Variants in MEOX2 observed in about 807,000 individuals in gnomAD.
The protein encoded by MEOX2 is homeobox protein MOX-2.
In MEOX2, 11 loss-of-function variants were observed where a neutral mutation model predicts 27.0. The observed-to-expected ratio is 0.41, with a 90% CI of 0.26 to 0.68. The LOEUF (loss-of-function observed/expected upper bound fraction) is 0.68. MEOX2 is among the 30% of genes least tolerant of loss of function. The pLI, the probability that MEOX2 is intolerant of heterozygous loss-of-function variation, is 0.33. For synonymous variants in MEOX2, 189 were observed against 155.4 expected (o/e 1.22, Z -1.61); for missense variants, 436 against 385.4 (o/e 1.13, Z -1.10).
Position 15,626,705 on chromosome 7 carries a change from G to T in MEOX2, c.690+41C>A, listed in dbSNP as rs144093914. 661 of 1,456,634 alleles carry T rather than the reference G, an allele frequency of 4.5e-4. 1 individual carries two copies. In the African/African-American group the frequency reaches 7.7e-3, roughly 17 times the overall value. The allele number at this position is 1,456,634 out of a possible 1,614,324, so 90.2% of individuals were successfully genotyped here. A position where few individuals can be genotyped will look rare whatever the true frequency, so the allele number is the denominator to read the frequency against. On this transcript the variant is annotated intron_variant, in intron 2 of 2. Coordinates refer to ENST00000262041, the MANE Select transcript of MEOX2 (RefSeq NM_005924.5). ...TGGCAAAGAAGACTGTGGACCCAGG[G>T]CAATTAAAAAAGATCATATAATGAT... is the stretch of plus-strand genomic sequence containing the variant.
chr7:15,675,325 G>C (rs1782175413), intron 1 of MEOX2, among the ~76,000 whole-genome samples: 1 of 152,130 alleles, frequency 6.6e-6, no homozygotes, highest in Non-Finnish European at 1.5e-5. Flanking sequence ...ATAAAACAAA[G>C]CTGAAAAATG....
intron 1 of MEOX2, among the ~76,000 whole-genome samples, chr7:15,654,738 C>G (rs912829486): frequency 2.0e-5 from 3 of 151,690 alleles, no homozygotes; most frequent in Non-Finnish European, 3.0e-5. Flanking sequence ...CTACAGTAAA[C>G]ACTACTTGAT....
chr7:15,626,318 T>C (rs1583746592), intron 2 of MEOX2, among the ~76,000 whole-genome samples: 1 of 152,018 alleles, frequency 6.6e-6, no homozygotes, highest in South Asian at 2.1e-4. Context: ...TGTTATGCCA[T>C]TGAGATTTGA....
At chr7:15,674,554 T>TTG (rs141430037) in intron 1 of MEOX2, among the ~76,000 whole-genome samples, 46,706 of 149,656 alleles carry the variant, frequency 0.31, 7,897 homozygotes, top group Admixed American at 0.42. Context: ...AGATAAAAGA[T>TTG]TCTGTGTGTG....
intron 1 of MEOX2, among the ~76,000 whole-genome samples, chr7:15,644,985 A>G (rs1018314830): frequency 2.3e-4 from 35 of 152,168 alleles, no homozygotes; most frequent in African/African-American, 7.5e-4. Flanking sequence ...CTAGTTCACA[A>G]ACTGAATCCT....
At chr7:15,678,943 G>A (rs1782249634) in intron 1 of MEOX2, 2 of 152,022 alleles carry the variant, frequency 1.3e-5, no homozygotes, top group Admixed American at 1.3e-4. Context: ...AGTGTGTGAA[G>A]AATAATGAGC....
intron 1 of MEOX2, among the ~76,000 whole-genome samples, chr7:15,666,034 T>C (rs893479817): frequency 6.6e-6 from 1 of 152,108 alleles, no homozygotes; most frequent in East Asian, 1.9e-4. Flanking sequence ...TCTAACATTC[T>C]GAGAATGTGT....
At chr7:15,669,239 G>A (rs1782059204) in intron 1 of MEOX2, among the ~76,000 whole-genome samples, 1 of 152,178 alleles carries the variant, frequency 6.6e-6, no homozygotes, top group South Asian at 2.1e-4. Context: ...ACTACAAATT[G>A]TATTTGGTCT....
chr7:15,626,482 T>A (rs950897248), intron 2 of MEOX2, among the ~76,000 whole-genome samples: 4 of 152,002 alleles, frequency 2.6e-5, no homozygotes, highest in African/African-American at 9.7e-5. Flanking sequence ...GTAAAAGAAA[T>A]AATATTTTAA....
At chr7:15,674,485 A>C (rs1782159288) in intron 1 of MEOX2, among the ~76,000 whole-genome samples, 1 of 152,106 alleles carries the variant, frequency 6.6e-6, no homozygotes, top group South Asian at 2.1e-4. Context: ...ATAGAAAAGA[A>C]GAAATCATCA....
At chr7:15,669,085 T>C (rs1782056163) in intron 1 of MEOX2, among the ~76,000 whole-genome samples, 2 of 152,190 alleles carry the variant, frequency 1.3e-5, no homozygotes, top group African/African-American at 4.8e-5. Context: ...AATAACACAA[T>C]TACCACATCC....
intron 1 of MEOX2, among the ~76,000 whole-genome samples, chr7:15,655,827 G>A (rs1456370160): frequency 6.6e-6 from 1 of 151,722 alleles, no homozygotes; most frequent in African/African-American, 2.4e-5. Flanking sequence ...GTATTCTGCT[G>A]TTTCAGGATA....
At chr7:15,666,260 C>T (rs920970719) in intron 1 of MEOX2, among the ~76,000 whole-genome samples, 1 of 152,092 alleles carries the variant, frequency 6.6e-6, no homozygotes, top group African/African-American at 2.4e-5. Flanking sequence ...TAGGCCTAAT[C>T]CTCCCTTACC....
At chr7:15,655,868 T>C (rs1781811748) in intron 1 of MEOX2, among the ~76,000 whole-genome samples, 1 of 151,788 alleles carries the variant, frequency 6.6e-6, no homozygotes, top group Non-Finnish European at 1.5e-5. Context: ...TTAGGTCTTG[T>C]TGGTTTATGG....
At chr7:15,628,032 A>G (rs1258291114) in intron 1 of MEOX2, among the ~76,000 whole-genome samples, 1 of 152,118 alleles carries the variant, frequency 6.6e-6, no homozygotes, top group Non-Finnish European at 1.5e-5. Context: ...AACCCAAATG[A>G]TAGAAAATTG....
At chr7:15,631,510 T>A (rs1020128253) in intron 1 of MEOX2, among the ~76,000 whole-genome samples, 5 of 152,028 alleles carry the variant, frequency 3.3e-5, no homozygotes, top group African/African-American at 1.2e-4. Context: ...TATATAATGG[T>A]CTATATTGAA....
intron 1 of MEOX2, among the ~76,000 whole-genome samples, chr7:15,659,289 T>A (rs929730089): frequency 6.6e-6 from 1 of 152,232 alleles, no homozygotes; most frequent in Non-Finnish European, 1.5e-5. Context: ...GAAACCATAA[T>A]GTTGCATCTT....
chr7:15,616,778 CTATT>C (rs1423651728), intron 2 of MEOX2, among the ~76,000 whole-genome samples: 9 of 151,902 alleles, frequency 5.9e-5, no homozygotes, highest in Admixed American at 1.3e-4. Flanking sequence ...CTTGGGATCT[CTATT>C]CATTCATTCA....
chr7:15,686,105 G>C lies in MEOX2; in HGVS notation c.298C>G (p.Pro100Ala), dbSNP rs561867178. ...TNWHLPQMSS[P>A]PSAARHSLCL... Reference sequence around the variant, plus strand: ...AGGCTGTGCCGAGCCGCACTCGGTGGGGAAGACATCTGCGGGAGGTGCCAG... The same window carrying C: ...AGGCTGTGCCGAGCCGCACTCGGTGCGGAAGACATCTGCGGGAGGTGCCAG... Residue 100 changes from proline (P) to alanine (A), a missense_variant, in exon 1 of 3, where the codon CCA becomes GCA. Physicochemically the swap from Pro to Ala is conservative, Grantham distance 27. Coordinates refer to ENST00000262041, the MANE Select transcript of MEOX2 (RefSeq NM_005924.5). 6.3e-7 allele frequency: 1 copy of C among 1,585,012 alleles called. No individual in the cohort carries two copies. The highest frequency in any genetic ancestry group is 1.3e-5 in the African/African-American group (1 of 74,214).
Sources: gnomAD v4.1 joint callset for allele counts (sites outside exome capture counted in the v4.1 genomes callset) on GRCh38, gnomAD v4.1.1 for gene constraint, MANE v1.5 for transcripts, NCBI Gene and HGNC (gene_info 2026-07-23, HGNC 2026-07-21) for gene names.